COL4A4: variants seen among roughly 807,000 people sequenced by gnomAD.
COL4A4 encodes collagen type IV alpha 4 chain.
Under a neutral mutation model 192.9 loss-of-function variants are expected in COL4A4, and 105 were observed. The ratio of observed to expected loss-of-function variants is 0.54; its 90% CI spans 0.46 to 0.64. The LOEUF is 0.64. Among genes scored for constraint, COL4A4 ranks in the 30% least tolerant of loss-of-function variants. The pLI is 0.00. For missense variants in COL4A4, 1,967 were observed against 2,169.3 expected (o/e 0.91, Z 1.85); for synonymous variants, 762 against 769.9 (o/e 0.99, Z 0.17).
At chr2:227,096,800 T>TTTCACTAA (rs2060227392) in intron 19 of COL4A4, among the ~76,000 whole-genome samples, 2 of 152,190 alleles carry the variant, frequency 1.3e-5, no homozygotes, top group Non-Finnish European at 2.9e-5. Flanking sequence ...TGTACCACAT[T>TTTCACTAA]ATACTATATG....
intron 13 of COL4A4, 135 bp downstream of exon 13, chr2:227,103,825 GCCAACAGTAGTA>G (rs2060662166): frequency 4.2e-6 from 3 of 705,972 alleles, no homozygotes; most frequent in Non-Finnish European, 7.5e-6. Flanking sequence ...GCACGATGGG[GCCAACAGTAGTA>G]CCAACTTATT....
intron 44 of COL4A4, 63 bp downstream of exon 44, chr2:227,021,985 A>T: frequency 6.4e-7 from 1 of 1,569,814 alleles, no homozygotes; most frequent in Non-Finnish European, 8.7e-7. Context: ...AAAATAAAAG[A>T]TCTAGAATTT....
intron 25 of COL4A4, among the ~76,000 whole-genome samples, chr2:227,073,993 A>C (rs2058873298): frequency 1.3e-5 from 2 of 152,180 alleles, no homozygotes; most frequent in Admixed American, 1.3e-4. Flanking sequence ...GGCCTCAGCA[A>C]AGAATTCATG....
intron 42 of COL4A4, among the ~76,000 whole-genome samples, chr2:227,027,115 G>A (rs1026368258): frequency 1.3e-4 from 20 of 151,844 alleles, no homozygotes; most frequent in Admixed American, 1.0e-3. Context: ...TTAGCTAGGC[G>A]CAGTGGCACA....
chr2:227,053,543 CTTTTTTTTTT>C lies in COL4A4; in HGVS notation c.2860+1041_2860+1050del, dbSNP rs56724633. On this transcript the variant is annotated intron_variant, in intron 31 of 47. Coordinates refer to ENST00000396625, the MANE Select transcript of COL4A4 (RefSeq NM_000092.5). ...GTAAAGAAAACATTTTTTTCTTTTT[CTTTTTTTTTT>C]TTTTTTTTTTTGGAGACAGAATCTC... Among the ~76,000 whole-genome samples the C allele has an allele frequency of 1.9e-4, 19 of 102,236 alleles. No individual in the cohort carries two copies. In the Middle Eastern group the frequency reaches 0.017, roughly 91 times the overall value. The allele number at this position is 102,236 out of a possible 152,430, so 67.1% of individuals were successfully genotyped here.
intron 12 of COL4A4, among the ~76,000 whole-genome samples, chr2:227,106,286 A>C (rs1341647788): frequency 1.3e-5 from 2 of 152,200 alleles, no homozygotes; most frequent in East Asian, 3.9e-4. Context: ...TATTCTTGTA[A>C]TTGAGATAAA....
intron 1 of COL4A4, among the ~76,000 whole-genome samples, chr2:227,159,131 T>C (rs920634963): frequency 1.1e-4 from 17 of 151,538 alleles, no homozygotes; most frequent in African/African-American, 3.9e-4. Context: ...TACTCAGCAA[T>C]AGAAAATAAC....
At position 227,108,592 on chromosome 2, in the gene COL4A4, T is replaced by C. The variant is rs1046865969; in HGVS notation, c.724A>G (p.Met242Val). 1 of 1,613,872 alleles carries C rather than the reference T, an allele frequency of 6.2e-7. No individual in the cohort carries two copies. The highest frequency in any genetic ancestry group is 8.5e-7 in the Non-Finnish European group (1 of 1,179,860). The change falls in exon 12 of 48, where the codon ATG becomes GTG. Residue 242 changes from methionine (M) to valine (V), a missense_variant. Met to Val is a conservative substitution (Grantham distance 21). Transcript: ENST00000396625. ...GNPGVGVKGQ[M>V]GDPGEVGQQG... ...GAGGGAATTCTTACCGGGTCTCCCA[T>C]TTGCCCCTTTACTCCCACACCGGGA...
chr2:227,049,053 A>G (rs1211644234), intron 34 of COL4A4, among the ~76,000 whole-genome samples: 5 of 152,252 alleles, frequency 3.3e-5, no homozygotes, highest in Non-Finnish European at 5.9e-5. Context: ...ATATCAAAAT[A>G]AAGGATAACT....
intron 35 of COL4A4, 60 bp downstream of exon 35, chr2:227,047,415 G>A: frequency 4.2e-6 from 5 of 1,189,596 alleles, no homozygotes; most frequent in Non-Finnish European, 6.3e-6. Flanking sequence ...AGAAGTAATT[G>A]TTCTGCTTTT....
At chr2:227,154,180 T>C (rs2064157844) in intron 1 of COL4A4, among the ~76,000 whole-genome samples, 1 of 152,192 alleles carries the variant, frequency 6.6e-6, no homozygotes, top group African/African-American at 2.4e-5. Flanking sequence ...TCTAATTCCG[T>C]GAGGCTTTTT....
At chr2:227,115,493 C>A (rs2061444684) in intron 7 of COL4A4, among the ~76,000 whole-genome samples, 1 of 151,836 alleles carries the variant, frequency 6.6e-6, no homozygotes, top group Admixed American at 6.6e-5. Flanking sequence ...AGGATGGTCT[C>A]AATCTCCTGA....
At position 227,111,840 on chromosome 2, in the gene COL4A4, G is replaced by A. The variant is rs183101354; in HGVS notation, c.559-127C>T. 4.0e-4 allele frequency: 400 copies of A among 1,003,568 alleles called. 2 individuals carry two copies. Among genetic ancestry groups the A allele is most frequent in the Middle Eastern group, 2.8e-3 (12 of 4,330 alleles). The allele number at this position is 1,003,568 out of a possible 1,614,324, so 62.2% of individuals were successfully genotyped here. A position where few individuals can be genotyped will look rare whatever the true frequency, so the allele number is the denominator to read the frequency against. ...CTGCAGTTTGTTCAATTTTTTTGGT[G>A]TTGACTAAAATTGAGGAAGGGATAT... is the stretch of plus-strand genomic sequence containing the variant. On this transcript the variant is annotated intron_variant, in intron 8 of 47. Transcript: ENST00000396625.
the COL4A4 span, among the ~76,000 whole-genome samples, chr2:226,968,117 G>A: frequency 6.6e-6 from 1 of 152,116 alleles, no homozygotes; most frequent in Admixed American, 6.6e-5. Context: ...TACAAAGATA[G>A]GAGACATGAG....
intron 22 of COL4A4, among the ~76,000 whole-genome samples, chr2:227,086,858 T>C (rs943952033): frequency 3.9e-5 from 6 of 152,270 alleles, no homozygotes; most frequent in African/African-American, 9.6e-5. Context: ...ACCATGCTTA[T>C]GCACATACAT....
At chr2:227,032,522 C>G (rs1968655999) in intron 38 of COL4A4, among the ~76,000 whole-genome samples, 1 of 152,148 alleles carries the variant, frequency 6.6e-6, no homozygotes, top group Admixed American at 6.5e-5. Flanking sequence ...AACTTAGAGG[C>G]AATACCAACC....
At chr2:227,086,056 C>T (rs540187555) in intron 22 of COL4A4, among the ~76,000 whole-genome samples, 8 of 152,318 alleles carry the variant, frequency 5.3e-5, no homozygotes, top group African/African-American at 1.4e-4. Context: ...TCCCAAATGT[C>T]GGAGATGGGA....
At chr2:227,148,124 C>T (rs1351615422) in intron 1 of COL4A4, among the ~76,000 whole-genome samples, 1 of 152,108 alleles carries the variant, frequency 6.6e-6, no homozygotes, top group African/African-American at 2.4e-5. Context: ...CATAGAGTTA[C>T]TATATGATCT....
At position 227,092,991 on chromosome 2, in the gene COL4A4, G is replaced by C. The variant is rs138289771; in HGVS notation, c.1369+1134C>G. Among the ~76,000 whole-genome samples, 648 of 152,284 alleles carry C rather than the reference G, an allele frequency of 4.3e-3. 4 individuals are homozygous for C. The highest frequency in any genetic ancestry group is 0.015 in the African/African-American group (610 of 41,548). On this transcript the variant is annotated intron_variant, in intron 20 of 47. Coordinates refer to ENST00000396625, the MANE Select transcript of COL4A4 (RefSeq NM_000092.5). ...ACATGTGTTGAAATGATTGCCCTTGGAGAGGAAGGATTAGGAGAAGGAGTT... is the reference window on the plus strand; with the variant it reads ...ACATGTGTTGAAATGATTGCCCTTGCAGAGGAAGGATTAGGAGAAGGAGTT...
Sources: gnomAD v4.1 joint callset for allele counts (sites outside exome capture counted in the v4.1 genomes callset) on GRCh38, gnomAD v4.1.1 for gene constraint, MANE v1.5 for transcripts, NCBI Gene and HGNC (gene_info 2026-07-23, HGNC 2026-07-21) for gene names.